Variants in ANKS1B observed in about 807,000 individuals in gnomAD.
The protein encoded by ANKS1B is ankyrin repeat and sterile alpha motif domain containing 1B.
Under a neutral mutation model 148.3 loss-of-function variants are expected in ANKS1B, and 36 were observed. The ratio of observed to expected loss-of-function variants is 0.24; its 90% CI spans 0.19 to 0.32. The LOEUF is 0.32. ANKS1B is among the 10% of genes least tolerant of loss of function. The pLI is 1.00. For missense variants in ANKS1B, 1,157 were observed against 1,542.6 expected (o/e 0.75, Z 4.19); for synonymous variants, 542 against 560.8 (o/e 0.97, Z 0.47).
In ANKS1B at chr12:99,404,513, A is replaced by C. The variant is rs755343892; in HGVS notation, c.1576-4702T>G. 5.5e-5 allele frequency among the ~76,000 whole-genome samples: 8 copies of C among 145,866 alleles called. 2 individuals carry two copies. Among genetic ancestry groups the C allele is most frequent in the Non-Finnish European group, 9.1e-5 (6 of 66,084 alleles). On this transcript the variant is annotated intron_variant, in intron 11 of 26. Coordinates refer to ENST00000683438, the MANE Select transcript of ANKS1B (RefSeq NM_001352186.2). ...AAAAATGCAACTGGTATACTGAAGA[A>C]TGCATTAGAATCTGTTAAAAGCAGA...
At chr12:99,661,112 G>C (rs2098475438) in intron 8 of ANKS1B, among the ~76,000 whole-genome samples, 1 of 151,988 alleles carries the variant, frequency 6.6e-6, no homozygotes, top group Admixed American at 6.6e-5. Flanking sequence ...GGTTTTACTG[G>C]GGGTCTGAAG....
chr12:99,036,193 A>G (rs2099955465), intron 17 of ANKS1B, among the ~76,000 whole-genome samples: 1 of 152,200 alleles, frequency 6.6e-6, no homozygotes, highest in African/African-American at 2.4e-5. Flanking sequence ...AACTACCATG[A>G]CTGAAAAAGT....
At chr12:99,494,165 T>C (rs2152976468) in intron 10 of ANKS1B, among the ~76,000 whole-genome samples, 1 of 152,178 alleles carries the variant, frequency 6.6e-6, no homozygotes, top group Non-Finnish European at 1.5e-5. Context: ...AAAGTGAGGA[T>C]CGAGAAATGC....
At chr12:99,253,812 A>G (rs1186435792) in intron 12 of ANKS1B, among the ~76,000 whole-genome samples, 2 of 152,232 alleles carry the variant, frequency 1.3e-5, no homozygotes, top group African/African-American at 2.4e-5. Flanking sequence ...CAAAGTGAAC[A>G]ATATCAGTAA....
At chr12:99,663,395 T>C (rs1203318062) in intron 8 of ANKS1B, among the ~76,000 whole-genome samples, 1 of 152,046 alleles carries the variant, frequency 6.6e-6, no homozygotes, top group Non-Finnish European at 1.5e-5. Context: ...ATAAGCTTAG[T>C]AACACTAAAC....
rs2096932213 is a variant in ANKS1B at position 99,526,900 on chromosome 12, G to T, written c.1273-22259C>A. The stretch of plus-strand genomic sequence containing the variant: ...TAGTTAAATGGAGATGAGGTTATTA[G>T]GGTGGACCCCAATCCAATGACAAGT... On this transcript the variant is annotated intron_variant, in intron 9 of 26. Transcript: ENST00000683438. 2.0e-5 allele frequency among the ~76,000 whole-genome samples: 3 copies of T among 152,284 alleles called. No homozygotes were observed. In the South Asian group the frequency reaches 6.2e-4, roughly 32 times the overall value.
At chr12:98,758,476 C>T (rs542075181) in intron 25 of ANKS1B, among the ~76,000 whole-genome samples, 92 of 152,352 alleles carry the variant, frequency 6.0e-4, no homozygotes, top group Middle Eastern at 6.8e-3. Flanking sequence ...AGGTCACCTA[C>T]TGGCCCATTG....
intron 9 of ANKS1B, chr12:99,648,699 AC>A: frequency 6.2e-7 from 1 of 1,614,136 alleles, no homozygotes; most frequent in Non-Finnish European, 8.5e-7. Flanking sequence ...TCCTGAGACC[AC>A]CAGTGGAGGC....
At chr12:99,223,917 C>T (rs371870924) in intron 14 of ANKS1B, among the ~76,000 whole-genome samples, 6 of 152,308 alleles carry the variant, frequency 3.9e-5, no homozygotes, top group African/African-American at 1.4e-4. Context: ...CATGAGTGAG[C>T]ACTTCGTTGT....
intron 1 of ANKS1B, among the ~76,000 whole-genome samples, chr12:99,829,638 G>C (rs1315565703): frequency 6.6e-6 from 1 of 152,124 alleles, no homozygotes; most frequent in Admixed American, 6.5e-5. Flanking sequence ...GCGAGAGCGA[G>C]ACTCCGTCTC....
intron 17 of ANKS1B, among the ~76,000 whole-genome samples, chr12:98,884,129 C>T (rs919484979): frequency 9.9e-5 from 15 of 152,098 alleles, no homozygotes; most frequent in Non-Finnish European, 2.1e-4. Flanking sequence ...AAATATATAT[C>T]ATTTACAGGC....
intron 17 of ANKS1B, among the ~76,000 whole-genome samples, chr12:98,994,509 C>T (rs1369556749): frequency 1.3e-5 from 2 of 152,084 alleles, no homozygotes; most frequent in South Asian, 2.1e-4. Flanking sequence ...CTCAGCTACT[C>T]GGAAGGCTGA....
chr12:99,043,061 C>T (rs754807211), intron 17 of ANKS1B, among the ~76,000 whole-genome samples: 12 of 152,226 alleles, frequency 7.9e-5, no homozygotes, highest in Middle Eastern at 3.4e-3. Flanking sequence ...GGTTGTCTTC[C>T]GCATTAATCT....
At chr12:99,608,077 G>C (rs1353930256) in intron 9 of ANKS1B, among the ~76,000 whole-genome samples, 2 of 152,060 alleles carry the variant, frequency 1.3e-5, no homozygotes, top group Non-Finnish European at 2.9e-5. Flanking sequence ...TTAGAGCTGA[G>C]GTAAAAGCCT....
At chr12:99,073,475 C>T (rs2046884125) in intron 16 of ANKS1B, among the ~76,000 whole-genome samples, 1 of 152,220 alleles carries the variant, frequency 6.6e-6, no homozygotes, top group Non-Finnish European at 1.5e-5. Context: ...CTTATTGAAA[C>T]AGCACAGTAT....
chr12:99,648,610 C>T lies in ANKS1B; in HGVS notation c.1272+6457G>A, dbSNP rs758390019. The T allele has an allele frequency of 1.4e-5, 23 of 1,614,056 alleles. 1 individual carries two copies. Among genetic ancestry groups the T allele is most frequent in the African/African-American group, 8.0e-5 (6 of 74,926 alleles). On this transcript the variant is annotated intron_variant, in intron 9 of 26. Transcript: ENST00000683438. ...GCTCCACCTGAAGCTTGCCACGGGC[C>T]GCTCTTTTTATCTTCAGCTGTGTCC...
chr12:99,306,458 C>T (rs1017535438), intron 12 of ANKS1B, among the ~76,000 whole-genome samples: 2 of 151,982 alleles, frequency 1.3e-5, no homozygotes, highest in African/African-American at 2.4e-5. Flanking sequence ...ATAACTTTCA[C>T]CACTGAATCC....
chr12:98,990,674 G>A (rs1349976749), intron 17 of ANKS1B, among the ~76,000 whole-genome samples: 2 of 152,090 alleles, frequency 1.3e-5, no homozygotes, highest in Non-Finnish European at 2.9e-5. Context: ...GGAGGAAAGA[G>A]GCATGAGAAA....
intron 17 of ANKS1B, among the ~76,000 whole-genome samples, chr12:99,045,013 C>T (rs1162900257): frequency 1.3e-5 from 2 of 152,138 alleles, no homozygotes; most frequent in Non-Finnish European, 2.9e-5. Flanking sequence ...ACTGTATGTC[C>T]TACTCTTTGC....
Sources: gnomAD v4.1 joint callset for allele counts (sites outside exome capture counted in the v4.1 genomes callset) on GRCh38, gnomAD v4.1.1 for gene constraint, MANE v1.5 for transcripts, NCBI Gene and HGNC (gene_info 2026-07-23, HGNC 2026-07-21) for gene names.